COL24A1: variants seen among roughly 807,000 people sequenced by gnomAD.
COL24A1 encodes collagen type XXIV alpha 1 chain.
A neutral mutation model predicts 253.9 loss-of-function variants in COL24A1; 224 were observed. The ratio of observed to expected loss-of-function variants is 0.88; its 90% CI spans 0.79 to 0.99. The LOEUF (loss-of-function observed/expected upper bound fraction) is 0.99. Ranked by LOEUF, COL24A1 falls within the 50% of genes least tolerant of loss-of-function variation. The pLI, the probability that COL24A1 is intolerant of heterozygous loss-of-function variation, is 0.00. For missense variants in COL24A1, 2,131 were observed against 2,068.5 expected, an observed-to-expected ratio of 1.03 and a Z score of -0.59; for synonymous variants, 685 against 673.7, an observed-to-expected ratio of 1.02 and a Z score of -0.26.
rs548102918 is a variant in COL24A1 at position 85,764,234 on chromosome 1, A to G, written c.4375-2668T>C. Among the ~76,000 whole-genome samples the G allele has an allele frequency of 1.6e-4, 24 of 152,000 alleles. No individual in the cohort carries two copies. In the South Asian group the frequency reaches 1.9e-3, roughly 12 times the overall value. On this transcript the variant is annotated intron_variant, in intron 53 of 59. Coordinates refer to ENST00000370571, the MANE Select transcript of COL24A1 (RefSeq NM_152890.7). ...ACTGACATCTCATTCTTTTCCCCCA[A>G]TTGTCTCCTAGGGTGGTAGGGGGAC...
chr1:85,825,000 G>A (rs1329487763), intron 43 of COL24A1, among the ~76,000 whole-genome samples: 2 of 151,258 alleles, frequency 1.3e-5, no homozygotes, highest in Non-Finnish European at 2.9e-5. Context: ...GTATACATGT[G>A]CCATGCTGGT....
At chr1:86,006,808 A>C (rs528528689) in intron 19 of COL24A1, among the ~76,000 whole-genome samples, 4 of 152,172 alleles carry the variant, frequency 2.6e-5, no homozygotes, top group African/African-American at 9.7e-5. Flanking sequence ...AAAACATTAA[A>C]AAAAGGCCAA....
At chr1:85,940,945 C>A (rs1688704463) in intron 24 of COL24A1, among the ~76,000 whole-genome samples, 1 of 152,064 alleles carries the variant, frequency 6.6e-6, no homozygotes, top group South Asian at 2.1e-4. Context: ...CATAGCCTGC[C>A]CTTTTGAATG....
chr1:85,794,742 G>C (rs1441093121), intron 47 of COL24A1, among the ~76,000 whole-genome samples: 1 of 151,332 alleles, frequency 6.6e-6, no homozygotes, highest in Non-Finnish European at 1.5e-5. Context: ...AATCATTCTG[G>C]GTAAATTTTA....
chr1:85,826,937 C>T (rs972606387), intron 43 of COL24A1, among the ~76,000 whole-genome samples: 40 of 152,108 alleles, frequency 2.6e-4, no homozygotes, highest in African/African-American at 8.0e-4. Flanking sequence ...TGCCTAATTG[C>T]CCTGGCCAGA....
At chr1:86,028,011 T>C (rs181631720) in intron 14 of COL24A1, among the ~76,000 whole-genome samples, 78 of 152,288 alleles carry the variant, frequency 5.1e-4, no homozygotes, top group African/African-American at 1.8e-3. Context: ...CTACTTGATT[T>C]TGGATTTTCA....
intron 7 of COL24A1, among the ~76,000 whole-genome samples, chr1:86,080,941 C>T (rs1490887052): frequency 1.3e-5 from 2 of 152,060 alleles, no homozygotes; most frequent in Admixed American, 1.3e-4. Flanking sequence ...TTGTACAATG[C>T]AATCTTAATA....
intron 24 of COL24A1, among the ~76,000 whole-genome samples, chr1:85,922,941 C>T (rs552566565): frequency 6.6e-6 from 1 of 152,124 alleles, no homozygotes; most frequent in African/African-American, 2.4e-5. Flanking sequence ...TGCAGAGATA[C>T]ACATAGGCTC....
intron 1 of COL24A1, among the ~76,000 whole-genome samples, chr1:86,147,995 G>A (rs753871620): frequency 1.3e-5 from 2 of 152,102 alleles, no homozygotes; most frequent in Non-Finnish European, 2.9e-5. Context: ...TGTCTGGGGT[G>A]GGGCTCAAGA....
At chr1:86,087,114 C>T (rs746790751) in intron 7 of COL24A1, among the ~76,000 whole-genome samples, 43 of 152,032 alleles carry the variant, frequency 2.8e-4, no homozygotes, top group Admixed American at 7.2e-4. Flanking sequence ...CGCCAAGATC[C>T]CTGACTTCTA....
At position 85,781,207 on chromosome 1, in the gene COL24A1, A is replaced by G; in HGVS notation, c.4338+13T>C. 4 of 1,572,800 alleles carry G rather than the reference A, an allele frequency of 2.5e-6. No homozygotes were observed. Among genetic ancestry groups the G allele is most frequent in the South Asian group, 2.3e-5 (2 of 85,912 alleles). On this transcript the variant is annotated intron_variant, in intron 52 of 59. Transcript: ENST00000370571. ...AAAAAGAGTACAAAAGACTTGTATT[A>G]TGATAAACTTACAGTTCTACCTGTT... is the stretch of plus-strand genomic sequence containing the variant.
chr1:85,743,791 G>T (rs1664899433), intron 57 of COL24A1, among the ~76,000 whole-genome samples: 1 of 152,090 alleles, frequency 6.6e-6, no homozygotes, highest in Non-Finnish European at 1.5e-5. Flanking sequence ...ATCTAGGGCA[G>T]AAAAATATCT....
rs756526175 is a variant in COL24A1 at position 85,971,345 on chromosome 1, T to A, written c.2413A>T (p.Thr805Ser). 6.2e-7 allele frequency: 1 copy of A among 1,612,374 alleles called. No individual in the cohort carries two copies. The highest frequency in any genetic ancestry group is 2.2e-5 in the East Asian group (1 of 44,838). The part of the protein sequence containing the change: ...GPPGPPGLKG[T>S]QGEEGPIGAF... ...GGATATCACTTCTTCCATACCTGAG[T>A]TCCTTTGAGACCAGGAGGTCCAGGA... Residue 805 changes from threonine to serine, a missense_variant, in exon 21 of 60, where the codon ACT becomes TCT. Coordinates refer to ENST00000370571, the MANE Select transcript of COL24A1 (RefSeq NM_152890.7).
Position 86,156,547 on chromosome 1 carries a change from G to A in COL24A1, c.-151C>T, listed in dbSNP as rs1017311557. 19 of 612,700 alleles carry A rather than the reference G, an allele frequency of 3.1e-5. No homozygotes were observed. In the African/African-American group the frequency reaches 3.6e-4, roughly 12 times the overall value. The allele number at this position is 612,700 out of a possible 1,614,324, so 38.0% of individuals were successfully genotyped here. ...CCGCAACAAGAAAAAAAGGAGGGGA[G>A]GGGGTGAAGTCGGGAGGAGGTAGGA... On this transcript the variant is annotated 5_prime_UTR_variant, in exon 1 of 60. Transcript: ENST00000370571.
chr1:85,806,980 A>G (rs1672042865), intron 47 of COL24A1, among the ~76,000 whole-genome samples: 1 of 152,240 alleles, frequency 6.6e-6, no homozygotes, highest in Admixed American at 6.5e-5. Flanking sequence ...ATTCTATGCT[A>G]AGATAAGAGC....
In COL24A1 at chr1:85,868,790, C is replaced by G. The variant is rs958011320; in HGVS notation, c.3184G>C (p.Gly1062Arg). ...PGEEGLQGKD[G>R]LKGVPGGRGL... ...TTAAAAGTATAATTTACCTTTAACCCATCTTTTCCCTGGAGACCTTCTTCT... is the reference window on the plus strand; with the variant it reads ...TTAAAAGTATAATTTACCTTTAACCGATCTTTTCCCTGGAGACCTTCTTCT... The change falls in exon 36 of 60, where the codon GGG becomes CGG. Residue 1062 changes from glycine to arginine, a missense_variant. Transcript: ENST00000370571. 8 of 1,579,062 alleles carry G rather than the reference C, an allele frequency of 5.1e-6. No individual in the cohort carries two copies. Among genetic ancestry groups the G allele is most frequent in the Non-Finnish European group, 6.9e-6 (8 of 1,161,364 alleles).
At chr1:86,041,090 T>C (rs1699438988) in intron 12 of COL24A1, among the ~76,000 whole-genome samples, 1 of 152,134 alleles carries the variant, frequency 6.6e-6, no homozygotes, top group Admixed American at 6.5e-5. Flanking sequence ...GAAAAACATA[T>C]GAGAAAAGAG....
chr1:85,814,674 T>C (rs1281288577), intron 47 of COL24A1, among the ~76,000 whole-genome samples: 5 of 152,200 alleles, frequency 3.3e-5, no homozygotes, highest in Middle Eastern at 3.2e-3. Context: ...TCCATATCAA[T>C]GTTTTCATTC....
intron 39 of COL24A1, among the ~76,000 whole-genome samples, chr1:85,846,828 G>C (rs1677188888): frequency 6.6e-6 from 1 of 151,884 alleles, no homozygotes; most frequent in Non-Finnish European, 1.5e-5. Context: ...TAATTTAAAT[G>C]AAAGAAAGTA....
Sources: gnomAD v4.1 joint callset for allele counts (sites outside exome capture counted in the v4.1 genomes callset) on GRCh38, gnomAD v4.1.1 for gene constraint, MANE v1.5 for transcripts, NCBI Gene and HGNC (gene_info 2026-07-23, HGNC 2026-07-21) for gene names.